The following ZNF609 variants were observed in gnomAD, a reference collection of about 807,000 sequenced individuals.
ZNF609 encodes the protein zinc finger protein 609.
A neutral mutation model predicts 109.5 loss-of-function variants in ZNF609; 11 were observed. The ratio of observed to expected loss-of-function variants is 0.10; its 90% CI spans 0.06 to 0.17. ZNF609 has a LOEUF of 0.17. Among genes scored for constraint, ZNF609 ranks in the 10% least tolerant of loss-of-function variants. The probability of loss-of-function intolerance (pLI) is 1.00; values close to 1 mark genes in which losing one functional copy is unlikely to be tolerated. For synonymous variants in ZNF609, 646 were observed against 662.0 expected, an observed-to-expected ratio of 0.98 and a Z score of 0.37; for missense variants, 1,559 against 1,772.4, an observed-to-expected ratio of 0.88 and a Z score of 2.16.
chr15:64,511,949 G>A (rs1287795132), intron 2 of ZNF609, among the ~76,000 whole-genome samples: 1 of 151,660 alleles, frequency 6.6e-6, no homozygotes, highest in African/African-American at 2.4e-5. Flanking sequence ...TCCTGACCTC[G>A]TGATCCAACC....
intron 2 of ZNF609, among the ~76,000 whole-genome samples, chr15:64,582,458 CTGTT>C (rs1259440591): frequency 6.6e-6 from 1 of 152,212 alleles, no homozygotes; most frequent in Non-Finnish European, 1.5e-5. Flanking sequence ...TGAATCACCA[CTGTT>C]TGTACTGAGC....
chr15:64,552,064 A>T (rs1894490651), intron 2 of ZNF609, among the ~76,000 whole-genome samples: 1 of 151,176 alleles, frequency 6.6e-6, no homozygotes, highest in Non-Finnish European at 1.5e-5. Flanking sequence ...AGAGTTCTTG[A>T]TACGTTGTGC....
In ZNF609 at chr15:64,678,172, G is replaced by A. The variant is rs1896833116; in HGVS notation, c.3459G>A (p.Lys1153=). The part of the protein sequence containing the change: ...YVYPAKYSDI[K]SEDERWKEER... Reference sequence around the variant, plus strand: ...ATCCTGCCAAGTACTCAGACATCAAGTCAGAGGATGAGCGGTGGAAGGAGG... The same window carrying A: ...ATCCTGCCAAGTACTCAGACATCAAATCAGAGGATGAGCGGTGGAAGGAGG... Residue 1153 remains lysine, a synonymous_variant, in exon 6 of 10, where the codon AAG becomes AAA. Coordinates refer to ENST00000326648, the MANE Select transcript of ZNF609 (RefSeq NM_015042.2). The A allele has an allele frequency of 3.7e-6, 6 of 1,613,988 alleles. No homozygotes were observed. Among genetic ancestry groups the A allele is most frequent in the Admixed American group, 3.3e-5 (2 of 59,998 alleles).
At chr15:64,512,294 A>G (rs1595703738) in intron 2 of ZNF609, among the ~76,000 whole-genome samples, 1 of 152,324 alleles carries the variant, frequency 6.6e-6, no homozygotes, top group African/African-American at 2.4e-5. Context: ...AGGCAAATTT[A>G]AGCAAAATTC....
intron 3 of ZNF609, among the ~76,000 whole-genome samples, chr15:64,658,261 G>A (rs1896519673): frequency 6.6e-6 from 1 of 151,830 alleles, no homozygotes; most frequent in Admixed American, 6.6e-5. Flanking sequence ...GCAATGGCAC[G>A]ATCTCGGCTC....
At chr15:64,469,576 G>A (rs1372148590) in intron 1 of ZNF609, among the ~76,000 whole-genome samples, 2 of 151,672 alleles carry the variant, frequency 1.3e-5, no homozygotes, top group African/African-American at 4.8e-5. Flanking sequence ...AGTTCCCTGG[G>A]GCTTGACTCT....
intron 1 of ZNF609, among the ~76,000 whole-genome samples, chr15:64,487,609 G>GT (rs966684139): frequency 4.6e-4 from 68 of 146,858 alleles, no homozygotes; most frequent in African/African-American, 1.0e-3. Flanking sequence ...ATTCACAGGT[G>GT]TTTTTTTTTT....
intron 1 of ZNF609, among the ~76,000 whole-genome samples, chr15:64,467,622 G>A (rs956159907): frequency 1.3e-5 from 2 of 152,176 alleles, no homozygotes; most frequent in Non-Finnish European, 2.9e-5. Context: ...CGAGACGGGC[G>A]GATCATGAGG....
intron 1 of ZNF609, among the ~76,000 whole-genome samples, chr15:64,477,651 C>T (rs1476980047): frequency 7.7e-6 from 1 of 130,250 alleles, no homozygotes; most frequent in Non-Finnish European, 1.6e-5. Context: ...TTTTTTGAAA[C>T]AGAGTCTCGC....
intron 6 of ZNF609, among the ~76,000 whole-genome samples, chr15:64,679,260 C>T (rs192525440): frequency 2.0e-5 from 3 of 152,222 alleles, no homozygotes; most frequent in East Asian, 1.9e-4. Flanking sequence ...TTAGTAGAGA[C>T]GGTGTTCTTC....
In ZNF609 at chr15:64,511,778, G is replaced by A. The variant is rs573324821; in HGVS notation, c.747+11612G>A. ...CGCCCAGGCTGGAGTGCAGTGGCGC[G>A]ATCTAGGCTCACTGCAACCTCTGCC... On this transcript the variant is annotated intron_variant, in intron 2 of 9. Transcript: ENST00000326648. Among the ~76,000 whole-genome samples, 14 of 149,866 alleles carry A rather than the reference G, an allele frequency of 9.3e-5. No homozygotes were observed. The South Asian group carries it at 2.6e-3, about 27-fold the overall frequency.
chr15:64,533,917 T>C (rs1894098201), intron 2 of ZNF609, among the ~76,000 whole-genome samples: 1 of 152,204 alleles, frequency 6.6e-6, no homozygotes, highest in Non-Finnish European at 1.5e-5. Context: ...TGTGTCGTTA[T>C]TTCCATACAA....
chr15:64,552,884 C>T (rs768843954), intron 2 of ZNF609, among the ~76,000 whole-genome samples: 1 of 152,156 alleles, frequency 6.6e-6, no homozygotes, highest in Non-Finnish European at 1.5e-5. Context: ...TGGCCTCAAG[C>T]AGTCCTCCCA....
chr15:64,461,362 C>T (rs1200938904), intron 1 of ZNF609, among the ~76,000 whole-genome samples: 2 of 151,982 alleles, frequency 1.3e-5, no homozygotes, highest in Non-Finnish European at 2.9e-5. Context: ...CTTCAGGTCA[C>T]ATTTACTCCT....
chr15:64,558,733 T>G (rs1179102881), intron 2 of ZNF609, among the ~76,000 whole-genome samples: 12 of 152,238 alleles, frequency 7.9e-5, no homozygotes, highest in Admixed American at 7.9e-4. Context: ...CAATAAATAT[T>G]TGTTGTCTAG....
At chr15:64,586,211 A>G (rs1435136632) in intron 2 of ZNF609, among the ~76,000 whole-genome samples, 1 of 151,986 alleles carries the variant, frequency 6.6e-6, no homozygotes, top group African/African-American at 2.4e-5. Context: ...CTGTAGTCCC[A>G]GCTACTCGGG....
chr15:64,478,393 C>T (rs1037928880), intron 1 of ZNF609, among the ~76,000 whole-genome samples: 2 of 151,468 alleles, frequency 1.3e-5, no homozygotes, highest in African/African-American at 2.4e-5. Flanking sequence ...TTTTTTGAGA[C>T]GGAGTCTCAC....
chr15:64,575,774 C>G (rs1012273507), intron 2 of ZNF609, among the ~76,000 whole-genome samples: 1 of 152,146 alleles, frequency 6.6e-6, no homozygotes, highest in East Asian at 1.9e-4. Flanking sequence ...TCTAACCAAG[C>G]AAGCTGGTTT....
chr15:64,549,919 G>T (rs1894437071), intron 2 of ZNF609, among the ~76,000 whole-genome samples: 1 of 152,056 alleles, frequency 6.6e-6, no homozygotes, highest in Non-Finnish European at 1.5e-5. Flanking sequence ...CCAAGTAGTT[G>T]AAACTACAGG....
Sources: allele counts gnomAD v4.1 joint callset (sites outside exome capture counted in the v4.1 genomes callset), GRCh38; gene constraint gnomAD v4.1.1; transcripts MANE v1.5; gene names NCBI Gene and HGNC (gene_info 2026-07-23, HGNC 2026-07-21).